Variants in INPP5F observed in about 807,000 individuals in gnomAD.
INPP5F encodes inositol polyphosphate-5-phosphatase F.
In INPP5F, 97 loss-of-function variants were observed where a neutral mutation model predicts 137.2. The observed-to-expected ratio is 0.71, with a 90% CI of 0.60 to 0.84. The LOEUF (loss-of-function observed/expected upper bound fraction) is 0.84. Among genes scored for constraint, INPP5F ranks in the 40% least tolerant of loss-of-function variants. The probability of loss-of-function intolerance (pLI) is 0.00; values close to 1 mark genes in which losing one functional copy is unlikely to be tolerated. For missense variants in INPP5F, 1,271 were observed against 1,371.9 expected (o/e 0.93, Z 1.16); for synonymous variants, 504 against 476.9 (o/e 1.06, Z -0.74).
intron 1 of INPP5F, among the ~76,000 whole-genome samples, chr10:119,739,112 T>A (rs1221513944): frequency 6.6e-6 from 1 of 152,070 alleles, no homozygotes. Context: ...TTGAGTCCAG[T>A]TGGAGGCTGC....
chr10:119,819,895 A>T (rs1364968693), intron 15 of INPP5F: 6 of 171,300 alleles, frequency 3.5e-5, no homozygotes, highest in African/African-American at 9.5e-5. Flanking sequence ...GATTTAATAA[A>T]TTTTTTTTCC....
intron 2 of INPP5F, among the ~76,000 whole-genome samples, chr10:119,770,973 C>T (rs1050745740): frequency 1.3e-5 from 2 of 151,992 alleles, no homozygotes; most frequent in African/African-American, 4.8e-5. Context: ...ATAAAATTAA[C>T]CCTTTTAAAG....
intron 2 of INPP5F, among the ~76,000 whole-genome samples, chr10:119,771,915 A>T (rs1849377523): frequency 4.9e-5 from 2 of 40,708 alleles, no homozygotes; most frequent in East Asian, 8.9e-4. Context: ...TTTTTTTTTG[A>T]GATGGAGTCT....
At chr10:119,760,803 TCA>T (rs549653795) in intron 2 of INPP5F, among the ~76,000 whole-genome samples, 263 of 152,364 alleles carry the variant, frequency 1.7e-3, no homozygotes, top group African/African-American at 6.1e-3. Flanking sequence ...CATTTTTATG[TCA>T]CTTTTCAAAG....
chr10:119,788,829 A>T (rs1485793634), intron 3 of INPP5F, among the ~76,000 whole-genome samples: 1 of 152,230 alleles, frequency 6.6e-6, no homozygotes, highest in Admixed American at 6.5e-5. Context: ...GAGTGAGGAA[A>T]ACCTGGGTGC....
At position 119,823,914 on chromosome 10, in the gene INPP5F, G is replaced by T; in HGVS notation, c.2249+12G>T. The T allele has an allele frequency of 6.3e-7, 1 of 1,581,326 alleles. No homozygotes were observed. Among genetic ancestry groups the T allele is most frequent in the Non-Finnish European group, 8.7e-7 (1 of 1,153,694 alleles). On this transcript the variant is annotated intron_variant, in intron 19 of 19. Transcript: ENST00000650623. Reference sequence around the variant, plus strand: ...AAGAAACTTGAGAGGTGAGTATACTGCTTCTCTCAAGAATAAAGGCATTCT... The same window carrying T: ...AAGAAACTTGAGAGGTGAGTATACTTCTTCTCTCAAGAATAAAGGCATTCT...
chr10:119,743,243 G>T (rs927295470), intron 1 of INPP5F, among the ~76,000 whole-genome samples: 1 of 152,182 alleles, frequency 6.6e-6, no homozygotes, highest in Non-Finnish European at 1.5e-5. Context: ...CTGTGCAAAT[G>T]ATCTGATTTC....
At chr10:119,765,397 G>C (rs11597012) in intron 2 of INPP5F, among the ~76,000 whole-genome samples, 1 of 151,862 alleles carries the variant, frequency 6.6e-6, no homozygotes, top group Non-Finnish European at 1.5e-5. Context: ...TTTGAGACAG[G>C]GTCTTGCTTT....
At chr10:119,747,245 A>G (rs907600830) in intron 1 of INPP5F, among the ~76,000 whole-genome samples, 2 of 151,362 alleles carry the variant, frequency 1.3e-5, no homozygotes, top group Non-Finnish European at 2.9e-5. Context: ...TTTTTTTGAG[A>G]CAGAATCTTG....
At position 119,826,938 on chromosome 10, in the gene INPP5F, T is replaced by G; in HGVS notation, c.2557T>G (p.Ser853Ala). 1.9e-6 allele frequency: 3 copies of G among 1,614,118 alleles called. No homozygotes were observed. Among genetic ancestry groups the G allele is most frequent in the Non-Finnish European group, 2.5e-6 (3 of 1,179,974 alleles). ...VQAESDGDMS[S>A]DNDSYHSDEF... is the part of the protein sequence containing the mutation. ...GGCAGAGTCTGATGGGGACATGTCT[T>G]CAGATAATGACTCATACCACTCTGA... is the stretch of plus-strand genomic sequence containing the variant. Residue 853 changes from serine (S) to alanine (A), a missense_variant, in exon 20 of 20, where the codon TCA becomes GCA. Physicochemically the swap from Ser to Ala is moderately conservative, Grantham distance 99. Around this residue, in one of 6 missense-constraint regions of INPP5F, gnomAD observed 490 missense variants for 443.7 expected, o/e 1.10. Transcript: ENST00000650623.
Position 119,748,445 on chromosome 10 carries a change from G to A in INPP5F, c.98-2631G>A, listed in dbSNP as rs34055664. On this transcript the variant is annotated intron_variant, in intron 1 of 19. Transcript: ENST00000650623. This position sits in a 1 kb window ranked among gnomAD's most constrained non-coding sequence, Gnocchi z 4.7. Reference sequence around the variant, plus strand: ...GTGTTTTGGTCCTGTTTGTGTTACAGCTTTTTCAGTCCCACCATTCAGGGG... The same window carrying A: ...GTGTTTTGGTCCTGTTTGTGTTACAACTTTTTCAGTCCCACCATTCAGGGG... Among the ~76,000 whole-genome samples the A allele has an allele frequency of 6.6e-6, 1 of 152,158 alleles. No homozygotes were observed. Among genetic ancestry groups the A allele is most frequent in the East Asian group, 1.9e-4 (1 of 5,178 alleles).
At chr10:119,745,750 G>T (rs1848513116) in intron 1 of INPP5F, among the ~76,000 whole-genome samples, 1 of 139,358 alleles carries the variant, frequency 7.2e-6, no homozygotes, top group Admixed American at 7.9e-5. Flanking sequence ...TGTTAGCCAG[G>T]CTGGAGTGCA....
rs535003698 is a variant in INPP5F, at chr10:119,763,700, A to G, written c.178+12544A>G. 5.9e-5 allele frequency among the ~76,000 whole-genome samples: 9 copies of G among 152,282 alleles called. No homozygotes were observed. In the East Asian group the frequency reaches 1.7e-3, roughly 29 times the overall value. ...TGAACGGGCCTTTTTAAAAATTTCC[A>G]TAGTCTGGCTAGAACTTTTCAAATC... is the stretch of plus-strand genomic sequence containing the variant. On this transcript the variant is annotated intron_variant, in intron 2 of 19. Transcript: ENST00000650623.
rs374093995 is a variant in INPP5F, at chr10:119,735,532, AG to A, written c.97+9175del. On this transcript the variant is annotated intron_variant, in intron 1 of 19. Coordinates refer to ENST00000650623, the MANE Select transcript of INPP5F (RefSeq NM_014937.4). ...CATGCTCTCAATTTTAGTAATTTGC[AG>A]GTATAATATTGATGTTTCACAGTAT... Among the ~76,000 whole-genome samples the A allele has an allele frequency of 1.1e-3, 173 of 152,354 alleles. 4 individuals are homozygous for A. The South Asian group carries it at 0.035, about 31-fold the overall frequency.
At chr10:119,757,624 C>T (rs1393858985) in intron 2 of INPP5F, among the ~76,000 whole-genome samples, 1 of 151,584 alleles carries the variant, frequency 6.6e-6, no homozygotes, top group East Asian at 2.0e-4. Flanking sequence ...AACCCCATCT[C>T]TACTAAAAAT....
chr10:119,727,041 G>C (rs1847915732), intron 1 of INPP5F, among the ~76,000 whole-genome samples: 1 of 152,230 alleles, frequency 6.6e-6, no homozygotes, highest in Non-Finnish European at 1.5e-5. Context: ...TGTTCGGAGA[G>C]GCTTAAGTCT....
chr10:119,792,264 G>T (rs1850174223), intron 6 of INPP5F, 51 bp downstream of exon 6: 3 of 1,322,032 alleles, frequency 2.3e-6, no homozygotes, highest in Non-Finnish European at 3.2e-6. Context: ...TGGTCTGTTT[G>T]TTTCTAAAAC....
intron 1 of INPP5F, among the ~76,000 whole-genome samples, chr10:119,737,254 A>C (rs1398914338): frequency 2.0e-5 from 3 of 152,098 alleles, no homozygotes; most frequent in African/African-American, 7.2e-5. Flanking sequence ...ATATTATGAG[A>C]TCTTTATGCA....
intron 1 of INPP5F, among the ~76,000 whole-genome samples, chr10:119,732,500 C>CTTTTTCT (rs1848106001): frequency 8.7e-6 from 1 of 115,566 alleles, no homozygotes; most frequent in African/African-American, 3.4e-5. Context: ...TTTCTTTTTT[C>CTTTTTCT]TTTTTTTTTT....
Sources: gnomAD v4.1 joint callset for allele counts (sites outside exome capture counted in the v4.1 genomes callset) on GRCh38, gnomAD v4.1.1 for gene constraint, gnomAD v4.1.1 regional missense constraint, Gnocchi (gnomAD v3.1) non-coding constraint, MANE v1.5 for transcripts, NCBI Gene and HGNC (gene_info 2026-07-23, HGNC 2026-07-21) for gene names.